Variants in ADGRL2 observed in about 807,000 individuals in gnomAD.
ADGRL2 encodes calcium-independent alpha-latrotoxin receptor 2.
Under a neutral mutation model 157.4 loss-of-function variants are expected in ADGRL2, and 44 were observed. The ratio of observed to expected loss-of-function variants is 0.28; its 90% CI spans 0.22 to 0.36. The LOEUF is 0.36. Ranked by LOEUF, ADGRL2 falls within the 10% of genes least tolerant of loss-of-function variation. The pLI is 1.00. For synonymous variants in ADGRL2, 585 were observed against 624.7 expected (o/e 0.94, Z 0.95); for missense variants, 1,510 against 1,768.9 (o/e 0.85, Z 2.63).
intron 2 of ADGRL2, among the ~76,000 whole-genome samples, chr1:81,782,427 A>G (rs1217292206): frequency 6.6e-6 from 1 of 152,222 alleles, no homozygotes; most frequent in Non-Finnish European, 1.5e-5. Flanking sequence ...TTTGGTCTAC[A>G]GTAAAATGGA....
In ADGRL2 at chr1:81,564,937, C is replaced by T. The variant is rs190192773; in HGVS notation, c.-247-15939C>T. Reference sequence around the variant, plus strand: ...ACATTAGCCAGAATGAACATGCCAACCTCCAGCACTGCCTGAGAGAAGCTG... The same window carrying T: ...ACATTAGCCAGAATGAACATGCCAATCTCCAGCACTGCCTGAGAGAAGCTG... On this transcript the variant is annotated intron_variant, in intron 2 of 24. Transcript: ENST00000370721. Among the ~76,000 whole-genome samples the T allele has an allele frequency of 2.2e-4, 33 of 152,310 alleles. No individual in the cohort carries two copies. In the East Asian group the frequency reaches 5.6e-3, roughly 26 times the overall value.
chr1:81,440,282 C>A (rs544635423), intron 1 of ADGRL2, among the ~76,000 whole-genome samples: 1 of 152,248 alleles, frequency 6.6e-6, no homozygotes, highest in South Asian at 2.1e-4. Flanking sequence ...GGGTACCCAC[C>A]CCTAGCTGCC....
chr1:81,806,360 A>C (rs1394776808), intron 1 of ADGRL2, among the ~76,000 whole-genome samples: 1 of 152,080 alleles, frequency 6.6e-6, no homozygotes, highest in Non-Finnish European at 1.5e-5. Context: ...CAATTTTCAC[A>C]ATCAGCAGAA....
chr1:81,928,188 G>A (rs2148715114), intron 3 of ADGRL2, among the ~76,000 whole-genome samples: 1 of 152,178 alleles, frequency 6.6e-6, no homozygotes, highest in African/African-American at 2.4e-5. Flanking sequence ...GTTGGAATTT[G>A]CTAGTGTATA....
intron 18 of ADGRL2, chr1:81,981,238 G>A (rs1661592298): frequency 4.6e-6 from 1 of 215,886 alleles, no homozygotes; most frequent in Non-Finnish European, 1.1e-5. Flanking sequence ...TTCTTAAGCT[G>A]TTCATGACGA....
intron 3 of ADGRL2, among the ~76,000 whole-genome samples, chr1:81,645,585 T>C (rs1449556772): frequency 2.0e-5 from 3 of 152,066 alleles, no homozygotes; most frequent in Non-Finnish European, 4.4e-5. Context: ...TATGAACATA[T>C]ATAAGTATAT....
chr1:81,779,790 C>A (rs1231226016), intron 2 of ADGRL2, among the ~76,000 whole-genome samples: 3 of 152,156 alleles, frequency 2.0e-5, no homozygotes. Context: ...AGGTTCCAAT[C>A]ATTTCCATTT....
intron 3 of ADGRL2, among the ~76,000 whole-genome samples, chr1:81,923,273 TA>T (rs1417197829): frequency 6.6e-6 from 1 of 152,200 alleles, no homozygotes; most frequent in Admixed American, 6.6e-5. Context: ...GTCAATTTGA[TA>T]AAAGGATTAG....
chr1:81,938,992 A>G (rs997211337), intron 4 of ADGRL2, among the ~76,000 whole-genome samples: 4 of 151,530 alleles, frequency 2.6e-5, no homozygotes, highest in Non-Finnish European at 5.9e-5. Context: ...AGTTGATAAA[A>G]TTGTCACCAT....
intron 1 of ADGRL2, among the ~76,000 whole-genome samples, chr1:81,417,510 T>G (rs2077053016): frequency 6.6e-6 from 1 of 151,982 alleles, no homozygotes; most frequent in Non-Finnish European, 1.5e-5. Flanking sequence ...AGTAATACTT[T>G]ACTTCTACCT....
At chr1:81,552,781 G>T (rs1048221166) in intron 2 of ADGRL2, among the ~76,000 whole-genome samples, 3 of 152,012 alleles carry the variant, frequency 2.0e-5, no homozygotes, top group African/African-American at 4.8e-5. Context: ...CTCAGACATG[G>T]TTTTCTTATA....
intron 1 of ADGRL2, among the ~76,000 whole-genome samples, chr1:81,423,328 C>T (rs1033490841): frequency 6.6e-6 from 1 of 152,138 alleles, no homozygotes; most frequent in African/African-American, 2.4e-5. Context: ...CATTTAGGGG[C>T]ATTAGAGGGT....
At chr1:81,463,783 T>G (rs1382035968) in intron 2 of ADGRL2, among the ~76,000 whole-genome samples, 1 of 152,214 alleles carries the variant, frequency 6.6e-6, no homozygotes, top group African/African-American at 2.4e-5. Flanking sequence ...AGGAGATTGA[T>G]GTGTATAAAG....
chr1:81,775,735 T>C lies in ADGRL2; in HGVS notation c.-101+13883T>C, dbSNP rs549299073. Among the ~76,000 whole-genome samples the C allele has an allele frequency of 4.6e-5, 7 of 152,296 alleles. No individual in the cohort carries two copies. The South Asian group carries it at 1.4e-3, about 32-fold the overall frequency. ...TCAACAGCCAGGAGCACTCTGGGAC[T>C]TGAGCAAGCAAATAAGCATGACATT... On this transcript the variant is annotated intron_variant, in intron 2 of 20. Transcript: ENST00000359929.
At chr1:81,381,551 G>T (rs1191251587) in intron 1 of ADGRL2, among the ~76,000 whole-genome samples, 1 of 151,980 alleles carries the variant, frequency 6.6e-6, no homozygotes, top group Non-Finnish European at 1.5e-5. Context: ...CCAGCCTTGG[G>T]GGCAGAGCAA....
At chr1:81,848,862 CTA>C (rs1183960960) in intron 2 of ADGRL2, among the ~76,000 whole-genome samples, 2 of 151,918 alleles carry the variant, frequency 1.3e-5, no homozygotes, top group Admixed American at 6.6e-5. Context: ...GTAACTCTTA[CTA>C]TGTTTAGTTA....
At chr1:81,690,264 G>A (rs1368649192) in intron 3 of ADGRL2, among the ~76,000 whole-genome samples, 1 of 152,150 alleles carries the variant, frequency 6.6e-6, no homozygotes, top group Non-Finnish European at 1.5e-5. Flanking sequence ...AGGCCAAGGT[G>A]GGCACATCAC....
At chr1:81,759,858 A>C (rs2085813325) in intron 1 of ADGRL2, among the ~76,000 whole-genome samples, 1 of 152,076 alleles carries the variant, frequency 6.6e-6, no homozygotes, top group Non-Finnish European at 1.5e-5. Flanking sequence ...GCCAGTTCCA[A>C]GTATGTTCAG....
intron 2 of ADGRL2, among the ~76,000 whole-genome samples, chr1:81,488,494 G>A (rs1167482688): frequency 6.7e-6 from 1 of 149,558 alleles, no homozygotes; most frequent in African/African-American, 2.5e-5. Flanking sequence ...GAGCTCAGGA[G>A]TTTTGAAACC....
Sources: gnomAD v4.1 joint callset for allele counts (sites outside exome capture counted in the v4.1 genomes callset) on GRCh38, gnomAD v4.1.1 for gene constraint, MANE v1.5 for transcripts, NCBI Gene and HGNC (gene_info 2026-07-23, HGNC 2026-07-21) for gene names.